ARL15: variants seen among roughly 807,000 people sequenced by gnomAD.
ARL15 encodes the protein ARF like GTPase 15, also known as ADP-ribosylation factor-like protein 15.
Under a neutral mutation model 25.2 loss-of-function variants are expected in ARL15, and 19 were observed. That is an observed-to-expected ratio of 0.75 (90% confidence interval 0.53 to 1.10). ARL15 has a LOEUF of 1.10. Among genes scored for constraint, ARL15 ranks in the 50% least tolerant of loss-of-function variants. The pLI, the probability that ARL15 is intolerant of heterozygous loss-of-function variation, is 0.00. For missense variants in ARL15, 220 were observed against 246.0 expected, an observed-to-expected ratio of 0.89 and a Z score of 0.71; for synonymous variants, 94 against 86.8, an observed-to-expected ratio of 1.08 and a Z score of -0.46.
intron 2 of ARL15, among the ~76,000 whole-genome samples, chr5:54,165,270 T>C (rs934090648): frequency 1.3e-5 from 2 of 152,180 alleles, no homozygotes; most frequent in East Asian, 3.9e-4. Flanking sequence ...TAATAAGAAG[T>C]AAATATTATA....
intron 4 of ARL15, among the ~76,000 whole-genome samples, chr5:54,105,054 T>C (rs994599861): frequency 6.6e-6 from 1 of 151,060 alleles, no homozygotes; most frequent in Non-Finnish European, 1.5e-5. Context: ...ATAATGATAA[T>C]AATTATCATA....
chr5:54,081,373 A>G (rs530148267), intron 4 of ARL15, among the ~76,000 whole-genome samples: 1 of 152,314 alleles, frequency 6.6e-6, no homozygotes, highest in East Asian at 1.9e-4. Context: ...AACTTGAGAA[A>G]GAAAGAACTG....
intron 1 of ARL15, among the ~76,000 whole-genome samples, chr5:54,268,592 G>A (rs1166590017): frequency 6.6e-6 from 1 of 152,106 alleles, no homozygotes; most frequent in African/African-American, 2.4e-5. Flanking sequence ...CCCCATCTTT[G>A]TGGTTTCATC....
chr5:54,296,848 G>A (rs186240503), intron 1 of ARL15, among the ~76,000 whole-genome samples: 28 of 152,348 alleles, frequency 1.8e-4, no homozygotes, highest in Admixed American at 1.2e-3. Flanking sequence ...TGGGAGAAGA[G>A]AAGCCCTCTT....
chr5:54,093,096 C>T (rs146748356), intron 4 of ARL15, among the ~76,000 whole-genome samples: 1 of 152,292 alleles, frequency 6.6e-6, no homozygotes, highest in East Asian at 1.9e-4. Flanking sequence ...TGAACAAACA[C>T]AAAGCCATGC....
intron 4 of ARL15, among the ~76,000 whole-genome samples, chr5:53,962,818 C>G (rs1292908759): frequency 6.6e-6 from 1 of 151,906 alleles, no homozygotes; most frequent in African/African-American, 2.4e-5. Flanking sequence ...AGAAAGGAAA[C>G]AGAAGGCAGT....
At chr5:54,272,463 T>C (rs1757814731) in intron 1 of ARL15, among the ~76,000 whole-genome samples, 1 of 152,080 alleles carries the variant, frequency 6.6e-6, no homozygotes, top group Non-Finnish European at 1.5e-5. Flanking sequence ...CACAAAAATG[T>C]ACAATTCCTA....
chr5:54,298,556 C>T (rs1758528413), intron 1 of ARL15, among the ~76,000 whole-genome samples: 1 of 152,192 alleles, frequency 6.6e-6, no homozygotes, highest in African/African-American at 2.4e-5. Context: ...CCTTCCTGCC[C>T]CTCCAGTTCC....
chr5:54,202,154 T>C (rs1755742513), intron 1 of ARL15, among the ~76,000 whole-genome samples: 1 of 152,126 alleles, frequency 6.6e-6, no homozygotes, highest in Non-Finnish European at 1.5e-5. Flanking sequence ...CAACCACTCA[T>C]ATTGTAGAAT....
chr5:53,941,675 C>T (rs1437920224), intron 4 of ARL15, among the ~76,000 whole-genome samples: 2 of 152,194 alleles, frequency 1.3e-5, no homozygotes, highest in African/African-American at 4.8e-5. Flanking sequence ...GTCCACTTCA[C>T]ATCTCAACTA....
intron 4 of ARL15, among the ~76,000 whole-genome samples, chr5:53,960,524 T>C (rs184588383): frequency 2.3e-4 from 35 of 152,328 alleles, no homozygotes; most frequent in Admixed American, 1.9e-3. Context: ...CTCCTTTCTA[T>C]TCTGTTGTGA....
At chr5:54,184,615 CA>C (rs5867920) in intron 1 of ARL15, among the ~76,000 whole-genome samples, 3,685 of 121,598 alleles carry the variant, frequency 0.03, 141 homozygotes, top group African/African-American at 0.091. Flanking sequence ...AGGCTTATAA[CA>C]AAAAAAAAAA....
chr5:54,005,951 G>A (rs1265853329), intron 4 of ARL15, among the ~76,000 whole-genome samples: 2 of 150,272 alleles, frequency 1.3e-5, no homozygotes, highest in Admixed American at 6.6e-5. Flanking sequence ...TAGCTGGGAG[G>A]AGGCACAAGA....
chr5:54,031,673 C>T (rs536441354), intron 4 of ARL15, among the ~76,000 whole-genome samples: 18 of 152,228 alleles, frequency 1.2e-4, no homozygotes, highest in African/African-American at 4.3e-4. Context: ...AAAACAAATT[C>T]CAAAATATAC....
chr5:54,134,342 G>A (rs1407346882), intron 3 of ARL15, among the ~76,000 whole-genome samples: 2 of 152,060 alleles, frequency 1.3e-5, no homozygotes, highest in African/African-American at 2.4e-5. Flanking sequence ...GAAATCAGAC[G>A]GCAGTAGTTC....
At chr5:54,238,249 A>C (rs1193805786) in intron 1 of ARL15, among the ~76,000 whole-genome samples, 1 of 152,182 alleles carries the variant, frequency 6.6e-6, no homozygotes, top group African/African-American at 2.4e-5. Context: ...ATAAGCCCAG[A>C]TTCAGGGGTT....
At chr5:54,025,535 A>G (rs1278074709) in intron 4 of ARL15, among the ~76,000 whole-genome samples, 2 of 152,232 alleles carry the variant, frequency 1.3e-5, no homozygotes, top group African/African-American at 2.4e-5. Context: ...GGAAAGTGCT[A>G]TAACGAAAAG....
intron 3 of ARL15, among the ~76,000 whole-genome samples, chr5:54,131,902 C>CAA (rs1389160017): frequency 3.8e-4 from 41 of 109,092 alleles, no homozygotes; most frequent in African/African-American, 1.3e-3. Context: ...GACTCCGTCT[C>CAA]AAAAAAAAAA....
chr5:54,170,230 C>T (rs1754676444), intron 2 of ARL15, among the ~76,000 whole-genome samples: 1 of 152,104 alleles, frequency 6.6e-6, no homozygotes, highest in South Asian at 2.1e-4. Flanking sequence ...TATATCCTAC[C>T]TATTCCTTCC....
Sources: gnomAD v4.1 joint callset for allele counts (sites outside exome capture counted in the v4.1 genomes callset) on GRCh38, gnomAD v4.1.1 for gene constraint, MANE v1.5 for transcripts, NCBI Gene and HGNC (gene_info 2026-07-23, HGNC 2026-07-21) for gene names.